The following DSCAML1 variants were observed in gnomAD, a reference collection of about 807,000 sequenced individuals.
DSCAML1 encodes cell adhesion molecule DSCAML1.
Under a neutral mutation model 200.5 loss-of-function variants are expected in DSCAML1, and 38 were observed. The observed-to-expected ratio is 0.19, with a 90% CI of 0.15 to 0.25. The LOEUF is 0.25. DSCAML1 is among the 10% of genes least tolerant of loss of function. The pLI, the probability that DSCAML1 is intolerant of heterozygous loss-of-function variation, is 1.00. For synonymous variants in DSCAML1, 1,215 were observed against 1,165.0 expected, an observed-to-expected ratio of 1.04 and a Z score of -0.87; for missense variants, 2,223 against 2,858.8, an observed-to-expected ratio of 0.78 and a Z score of 5.07.
At chr11:117,635,448 G>A (rs1011426613) in intron 3 of DSCAML1, among the ~76,000 whole-genome samples, 1 of 96,730 alleles carries the variant, frequency 1.0e-5, no homozygotes, top group Non-Finnish European at 1.9e-5. Flanking sequence ...AGTGTGTGTG[G>A]TGTGTGTGTG....
rs1555032770 is a variant in DSCAML1 at position 117,780,290 on chromosome 11, A to AAGAC, written c.364+202_364+203insGTCT. On this transcript the variant is annotated intron_variant, in intron 2 of 32. Transcript: ENST00000651296. The surrounding 1 kb of genome is among the most constrained non-coding windows in gnomAD (Gnocchi z 4.8). ...AAAGAAAGAAAGAAAGAAAGAAAGAAAGAAAGAAAGAAAGAGAGAAAGGAG... is the reference window on the plus strand; with the variant it reads ...AAAGAAAGAAAGAAAGAAAGAAAGAAAGACAGAAAGAAAGAAAGAGAGAAAGGAG... Among the ~76,000 whole-genome samples, 2,422 of 100,150 alleles carry AAGAC rather than the reference A, an allele frequency of 0.024. 74 individuals carry two copies. Among genetic ancestry groups the AAGAC allele is most frequent in the Admixed American group, 0.047 (492 of 10,488 alleles). The allele number at this position is 100,150 out of a possible 152,430, so 65.7% of individuals were successfully genotyped here.
intron 4 of DSCAML1, among the ~76,000 whole-genome samples, chr11:117,530,192 G>A (rs1324491676): frequency 6.6e-6 from 1 of 152,120 alleles, no homozygotes; most frequent in African/African-American, 2.4e-5. Flanking sequence ...TGGTGAAAGA[G>A]GAGGGGAAGA....
At chr11:117,625,183 G>A (rs1488134401) in intron 3 of DSCAML1, among the ~76,000 whole-genome samples, 2 of 151,934 alleles carry the variant, frequency 1.3e-5, no homozygotes, top group African/African-American at 4.8e-5. Flanking sequence ...GGGCCTCATG[G>A]GTTGCTGGAG....
chr11:117,594,562 T>C (rs1443432284), intron 3 of DSCAML1, among the ~76,000 whole-genome samples: 1 of 152,194 alleles, frequency 6.6e-6, no homozygotes, highest in East Asian at 1.9e-4. Context: ...AATTTGGAGA[T>C]GGTGTTCTGG....
intron 3 of DSCAML1, among the ~76,000 whole-genome samples, chr11:117,618,671 TA>T (rs201195482): frequency 0.04 from 5,947 of 147,324 alleles, 271 homozygotes; most frequent in African/African-American, 0.11. Flanking sequence ...AGGTTTGGTT[TA>T]AAAAAAAAAA....
At chr11:117,595,971 A>C (rs1043985389) in intron 3 of DSCAML1, among the ~76,000 whole-genome samples, 3 of 152,146 alleles carry the variant, frequency 2.0e-5, no homozygotes, top group Admixed American at 1.3e-4. Context: ...TGTATTAATA[A>C]ATTCTTTTTT....
intron 1 of DSCAML1, among the ~76,000 whole-genome samples, chr11:117,788,064 T>C (rs2055393261): frequency 6.6e-6 from 1 of 152,154 alleles, no homozygotes; most frequent in Non-Finnish European, 1.5e-5. Context: ...AAAAACCCTT[T>C]ATGTTGCATC....
At position 117,481,949 on chromosome 11, in the gene DSCAML1, G is replaced by A. The variant is rs772086021; in HGVS notation, c.2559+14C>T. 6 of 1,613,746 alleles carry A rather than the reference G, an allele frequency of 3.7e-6. No individual in the cohort carries two copies. The highest frequency in any genetic ancestry group is 5.1e-6 in the Non-Finnish European group (6 of 1,179,894). ...AGAGTTGGGGTCCCCCAGCACTGAG[G>A]TGGGGGTGCTCACCTTCAGTGTGGA... On this transcript the variant is annotated intron_variant, in intron 12 of 32. Coordinates refer to ENST00000651296, the MANE Select transcript of DSCAML1 (RefSeq NM_020693.4).
chr11:117,668,759 A>C (rs1170295352), intron 3 of DSCAML1: 1 of 152,268 alleles, frequency 6.6e-6, no homozygotes, highest in Non-Finnish European at 1.5e-5. Flanking sequence ...CTGCTGCTTC[A>C]AAGAGTGGGG....
intron 3 of DSCAML1, among the ~76,000 whole-genome samples, chr11:117,736,403 A>G (rs2054316985): frequency 6.6e-6 from 1 of 152,216 alleles, no homozygotes; most frequent in Non-Finnish European, 1.5e-5. Flanking sequence ...AGAGCCCAAG[A>G]TGGAAGCCAT....
At chr11:117,790,966 G>A (rs559210873) in intron 1 of DSCAML1, among the ~76,000 whole-genome samples, 15 of 152,338 alleles carry the variant, frequency 9.8e-5, no homozygotes, top group African/African-American at 3.6e-4. Context: ...TGTTAATGAA[G>A]ATGGTGACCT....
intron 1 of DSCAML1, among the ~76,000 whole-genome samples, chr11:117,787,581 G>A (rs1423808154): frequency 2.0e-5 from 3 of 152,130 alleles, no homozygotes; most frequent in Non-Finnish European, 2.9e-5. Context: ...TCTATACTGA[G>A]AGTAACAGTC....
intron 11 of DSCAML1, among the ~76,000 whole-genome samples, chr11:117,482,682 G>A (rs965600821): frequency 1.3e-5 from 2 of 152,138 alleles, no homozygotes; most frequent in Non-Finnish European, 2.9e-5. Context: ...GAGGATTTCT[G>A]CTGGTGACAG....
chr11:117,431,080 A>G, intron 31 of DSCAML1, 47 bp from the exon 32 acceptor site: 1 of 1,541,054 alleles, frequency 6.5e-7, no homozygotes. Context: ...GGAGGGTATA[A>G]GTGAGACTGA....
intron 3 of DSCAML1, among the ~76,000 whole-genome samples, chr11:117,731,034 C>T (rs570653927): frequency 5.3e-4 from 81 of 152,206 alleles, no homozygotes; most frequent in African/African-American, 1.8e-3. Context: ...GTGGGGTTTC[C>T]TTTAAGGGTG....
rs1220197192 is a variant in DSCAML1 at position 117,516,843 on chromosome 11, C to T, written c.1511-104G>A. 1.1e-5 allele frequency: 16 copies of T among 1,394,210 alleles called. 2 individuals carry two copies. The East Asian group carries it at 3.6e-4, about 31-fold the overall frequency. 86.4% of individuals were successfully genotyped at this position (1,394,210 alleles called of 1,614,324 possible). On this transcript the variant is annotated intron_variant, in intron 7 of 32. Transcript: ENST00000651296. This position sits in a 1 kb window ranked among gnomAD's most constrained non-coding sequence, Gnocchi z 5.7. ...TGCGGTGCTCTTCTCAGGCACTCGG[C>T]CCCTGAGACTTTCGGGGGCGGACAT... is the stretch of plus-strand genomic sequence containing the variant.
intron 3 of DSCAML1, among the ~76,000 whole-genome samples, chr11:117,572,703 C>T (rs575845602): frequency 9.2e-5 from 14 of 152,158 alleles, no homozygotes; most frequent in Non-Finnish European, 1.5e-4. Context: ...ATCTGGTTCC[C>T]GCAAATCAGT....
intron 1 of DSCAML1, among the ~76,000 whole-genome samples, chr11:117,816,484 G>A (rs757798606): frequency 1.3e-5 from 2 of 152,250 alleles, no homozygotes; most frequent in South Asian, 2.1e-4. Context: ...CCGCCCCAGA[G>A]GCCCCTGATG....
At chr11:117,529,678 A>T (rs2050038580) in intron 4 of DSCAML1, among the ~76,000 whole-genome samples, 1 of 150,312 alleles carries the variant, frequency 6.7e-6, no homozygotes, top group South Asian at 2.1e-4. Flanking sequence ...CATTTGTGCC[A>T]TTCTCATCCG....
Sources: gnomAD v4.1 joint callset for allele counts (sites outside exome capture counted in the v4.1 genomes callset) on GRCh38, gnomAD v4.1.1 for gene constraint, Gnocchi (gnomAD v3.1) non-coding constraint, MANE v1.5 for transcripts, NCBI Gene and HGNC (gene_info 2026-07-23, HGNC 2026-07-21) for gene names.